Variants in ROS1 observed in about 807,000 individuals in gnomAD.
ROS1 encodes ROS proto-oncogene 1, receptor tyrosine kinase, also known as proto-oncogene tyrosine-protein kinase ROS.
In ROS1, 263 loss-of-function variants were observed where a neutral mutation model predicts 273.5. That is an observed-to-expected ratio of 0.96 (90% confidence interval 0.87 to 1.06). ROS1 has a LOEUF of 1.06. Ranked by LOEUF, ROS1 falls within the 50% of genes least tolerant of loss-of-function variation. The pLI is 0.00. For missense variants in ROS1, 2,833 were observed against 2,751.1 expected (o/e 1.03, Z -0.67); for synonymous variants, 1,008 against 954.1 (o/e 1.06, Z -1.04).
At chr6:117,314,108 C>T (rs1172739498) in intron 39 of ROS1, among the ~76,000 whole-genome samples, 1 of 151,994 alleles carries the variant, frequency 6.6e-6, no homozygotes, top group Non-Finnish European at 1.5e-5. Flanking sequence ...TTCATACCCC[C>T]AGCCCCACCA....
chr6:117,420,127 A>C (rs1038836528), intron 1 of ROS1, among the ~76,000 whole-genome samples: 6 of 152,018 alleles, frequency 3.9e-5, no homozygotes, highest in Non-Finnish European at 5.9e-5. Flanking sequence ...GGCACAGGGA[A>C]GTTTAGTAAA....
chr6:117,348,043 T>A (rs972221886), intron 27 of ROS1, among the ~76,000 whole-genome samples: 13 of 152,058 alleles, frequency 8.5e-5, no homozygotes, highest in African/African-American at 9.6e-5. Flanking sequence ...TCTTTTCTTG[T>A]AATATATTTG....
chr6:117,339,966 T>C (rs928803677), intron 31 of ROS1, among the ~76,000 whole-genome samples: 2 of 152,116 alleles, frequency 1.3e-5, no homozygotes, highest in Non-Finnish European at 2.9e-5. Context: ...TTCTGATCAA[T>C]AAAATGAGAG....
intron 21 of ROS1, among the ~76,000 whole-genome samples, chr6:117,363,144 G>T (rs1265577307): frequency 6.6e-6 from 1 of 152,078 alleles, no homozygotes; most frequent in Non-Finnish European, 1.5e-5. Flanking sequence ...CACCTTTCTT[G>T]TCTGTGCCTT....
chr6:117,307,009 A>G (rs537840458), intron 42 of ROS1, among the ~76,000 whole-genome samples: 3 of 152,206 alleles, frequency 2.0e-5, no homozygotes, highest in East Asian at 1.9e-4. Flanking sequence ...TTTTATTAAA[A>G]CAATGGCAAT....
intron 1 of ROS1, among the ~76,000 whole-genome samples, chr6:117,424,312 A>G (rs1775981463): frequency 6.7e-6 from 1 of 149,324 alleles, no homozygotes; most frequent in Admixed American, 6.6e-5. Flanking sequence ...ATAGATATAT[A>G]TGTATACATA....
At chr6:117,288,930 A>G in intron 43 of ROS1, 128 bp from the exon 44 acceptor site, 1 of 758,964 alleles carries the variant, frequency 1.3e-6, no homozygotes, top group Non-Finnish European at 2.1e-6. Context: ...TATGAAGACT[A>G]CTAAGTGTTG....
intron 43 of ROS1, among the ~76,000 whole-genome samples, chr6:117,293,884 A>G (rs2128526549): frequency 6.6e-6 from 1 of 152,284 alleles, no homozygotes; most frequent in South Asian, 2.1e-4. Context: ...CCTGATGAAC[A>G]CAGATGCAAA....
chr6:117,396,406 A>C, intron 8 of ROS1, 142 bp from the exon 9 acceptor site: 1 of 652,986 alleles, frequency 1.5e-6, no homozygotes, highest in Non-Finnish European at 2.8e-6. Flanking sequence ...ACTGCTCAGC[A>C]CCGAAATGAC....
At chr6:117,357,721 TCTA>T in intron 25 of ROS1, 80 bp downstream of exon 25, 1 of 914,476 alleles carries the variant, frequency 1.1e-6, no homozygotes, top group South Asian at 1.7e-5. Context: ...ATAATTGTCT[TCTA>T]CTATTAAACC....
chr6:117,383,830 G>A (rs1772352698), intron 16 of ROS1, among the ~76,000 whole-genome samples: 1 of 152,156 alleles, frequency 6.6e-6, no homozygotes, highest in Non-Finnish European at 1.5e-5. Context: ...GAATATATTT[G>A]ATTAGACTCC....
chr6:117,371,707 T>A (rs901699519), intron 18 of ROS1, among the ~76,000 whole-genome samples: 1 of 152,204 alleles, frequency 6.6e-6, no homozygotes, highest in Non-Finnish European at 1.5e-5. Flanking sequence ...TTCTTAGTCC[T>A]ACTCACTGGC....
chr6:117,313,041 G>A (rs1226310620), intron 39 of ROS1, among the ~76,000 whole-genome samples: 2 of 152,064 alleles, frequency 1.3e-5, no homozygotes, highest in Non-Finnish European at 2.9e-5. Context: ...CCTACTTTAA[G>A]TGGATTATTT....
At chr6:117,356,589 C>G in intron 26 of ROS1, 40 bp downstream of exon 26, 2 of 1,568,150 alleles carry the variant, frequency 1.3e-6, no homozygotes, top group South Asian at 1.2e-5. Flanking sequence ...AGGGGCTGCT[C>G]TTATTAACAA....
intron 6 of ROS1, among the ~76,000 whole-genome samples, chr6:117,404,068 T>C (rs1774181487): frequency 6.6e-6 from 1 of 152,204 alleles, no homozygotes; most frequent in African/African-American, 2.4e-5. Flanking sequence ...ACCGTGTCTC[T>C]ACTGAAAATA....
chr6:117,340,755 A>G (rs1265104323), intron 31 of ROS1, among the ~76,000 whole-genome samples: 4 of 152,114 alleles, frequency 2.6e-5, no homozygotes, highest in African/African-American at 9.7e-5. Flanking sequence ...TAAAATGATG[A>G]AAGAACATTT....
chr6:117,360,118 G>T (rs1779667546), intron 23 of ROS1, 107 bp from the exon 24 acceptor site: 2 of 875,720 alleles, frequency 2.3e-6, no homozygotes, highest in African/African-American at 1.7e-5. Flanking sequence ...GCTCCCTTTG[G>T]TTCCTCTAAT....
intron 43 of ROS1, among the ~76,000 whole-genome samples, chr6:117,296,333 G>A (rs750793064): frequency 2.6e-5 from 4 of 152,102 alleles, no homozygotes; most frequent in Non-Finnish European, 4.4e-5. Context: ...ACTGAAAGGG[G>A]GAGGTTGCAG....
chr6:117,395,520 G>A (rs7745302), intron 9 of ROS1, among the ~76,000 whole-genome samples: 1 of 151,954 alleles, frequency 6.6e-6, no homozygotes, highest in Non-Finnish European at 1.5e-5. Flanking sequence ...TAGAAAACAG[G>A]CTCCCAGAAT....
Sources: allele counts gnomAD v4.1 joint callset (sites outside exome capture counted in the v4.1 genomes callset), GRCh38; gene constraint gnomAD v4.1.1; transcripts MANE v1.5; gene names NCBI Gene and HGNC (gene_info 2026-07-23, HGNC 2026-07-21).